The following DAPK3 variants were observed in gnomAD, a reference collection of about 807,000 sequenced individuals.
DAPK3 encodes death-associated protein kinase 3.
Under a neutral mutation model 30.6 loss-of-function variants are expected in DAPK3, and 24 were observed. The observed-to-expected ratio is 0.78, with a 90% CI of 0.57 to 1.10. The LOEUF (loss-of-function observed/expected upper bound fraction) is 1.10, where lower values mean the gene tolerates loss of function less well. Ranked by LOEUF, DAPK3 falls within the 50% of genes least tolerant of loss-of-function variation. DAPK3 has a pLI of 0.00. For missense variants in DAPK3, 629 were observed against 657.3 expected, an observed-to-expected ratio of 0.96 and a Z score of 0.47; for synonymous variants, 341 against 284.0, an observed-to-expected ratio of 1.20 and a Z score of -2.02.
chr19:3,963,769 C>T (rs2039544232), intron 5 of DAPK3, 100 bp from the exon 6 acceptor site: 2 of 1,244,396 alleles, frequency 1.6e-6, no homozygotes, highest in South Asian at 1.3e-5. Flanking sequence ...ACGGTCCCCC[C>T]ATACCCCAAC....
chr19:3,962,654 G>A (rs140167567), intron 6 of DAPK3, among the ~76,000 whole-genome samples: 3 of 152,166 alleles, frequency 2.0e-5, no homozygotes, highest in African/African-American at 7.2e-5. Context: ...GCAGGCACCT[G>A]TAATCCCAGC....
rs1241358376 is a variant in DAPK3 at position 3,959,260 on chromosome 19, C to T, written c.1206G>A (p.Ala402=). The change falls in exon 9 of 9, where the codon GCG becomes GCA. Residue 402 remains alanine (A), a synonymous_variant. Coordinates refer to ENST00000545797, the MANE Select transcript of DAPK3 (RefSeq NM_001348.3). ...KRQAQEEAKG[A]LLGTSGLKRR... ...GCTTGAGGCCGCTGGTCCCCAGCAG[C>T]GCGCCCTTGGCCTCCTCCTGCGCCT... 6.3e-7 allele frequency: 1 copy of T among 1,599,306 alleles called. No homozygotes were observed.
At position 3,959,375 on chromosome 19, in the gene DAPK3, T is replaced by G. The variant is rs529645237; in HGVS notation, c.1091A>C (p.Glu364Ala). Reference sequence around the variant, plus strand: ...GTCGCTCTCCTCGCGGTACCAGGCCTCCTTCTCCTCGTAGATGGCGGCCAG... The same window carrying G: ...GTCGCTCTCCTCGCGGTACCAGGCCGCCTTCTCCTCGTAGATGGCGGCCAG... Reference protein sequence around the residue: ...EALAAIYEEKEAWYREESDSL... With the variant: ...EALAAIYEEKAAWYREESDSL... The change falls in exon 9 of 9, where the codon GAG becomes GCG. Residue 364 changes from glutamate to alanine, a missense_variant. Physicochemically the swap from Glu to Ala is moderately radical, Grantham distance 107. Coordinates refer to ENST00000545797, the MANE Select transcript of DAPK3 (RefSeq NM_001348.3). 6 of 1,578,918 alleles carry G rather than the reference T, an allele frequency of 3.8e-6. No individual in the cohort carries two copies. Among genetic ancestry groups the G allele is most frequent in the South Asian group, 3.4e-5 (3 of 88,118 alleles).
intron 8 of DAPK3, 79 bp from the exon 9 acceptor site, chr19:3,959,716 A>C (rs890621357): frequency 1.4e-6 from 2 of 1,424,482 alleles, no homozygotes; most frequent in Admixed American, 4.8e-5. Flanking sequence ...GTGTGAACTG[A>C]GGTTCAGGGG....
intron 7 of DAPK3, among the ~76,000 whole-genome samples, chr19:3,960,368 G>A (rs991666753): frequency 5.9e-5 from 9 of 152,244 alleles, no homozygotes; most frequent in African/African-American, 2.2e-4. Context: ...AGGCCTACGA[G>A]TGAGGGCTCA....
At position 3,960,086 on chromosome 19, in the gene DAPK3, G is replaced by T; in HGVS notation, c.801C>A (p.Ala267=). 6.4e-7 allele frequency: 1 copy of T among 1,568,652 alleles called. No homozygotes were observed. The highest frequency in any genetic ancestry group is 8.8e-7 in the Non-Finnish European group (1 of 1,138,924). ...VKDPKRRMTI[A]QSLEHSWIKA... ...TAATCCAGGAATGTTCCAGGCTCTG[G>T]GCAATGGTCATTCTCCGCCTGGAAG... The change falls in exon 8 of 9, where the codon GCC becomes GCA. Residue 267 remains alanine (A), a synonymous_variant. Transcript: ENST00000545797.
rs149093811 is a variant in DAPK3, at chr19:3,967,323, G to C, written c.63-2332C>G. Among the ~76,000 whole-genome samples the C allele has an allele frequency of 4.2e-4, 64 of 152,258 alleles. No homozygotes were observed. In the East Asian group the frequency reaches 0.012, roughly 29 times the overall value. On this transcript the variant is annotated intron_variant, in intron 2 of 8. Coordinates refer to ENST00000545797, the MANE Select transcript of DAPK3 (RefSeq NM_001348.3). The stretch of plus-strand genomic sequence containing the variant: ...AAACATTAGCCGGGCGTGCTGGCAG[G>C]CATCTATAATCCCAGCTACTCGGGA...
rs149066820 is a variant in DAPK3, at chr19:3,959,157, G to A, written c.1309C>T (p.Leu437Phe). Residue 437 changes from leucine (L) to phenylalanine (F), a missense_variant, in exon 9 of 9, where the codon CTC becomes TTC. Physicochemically the swap from Leu to Phe is conservative, Grantham distance 22. This residue lies in a region of DAPK3 where 323 missense variants were observed against 278.8 expected (regional missense o/e 1.16). Transcript: ENST00000545797. ...VASEMRFVQDLVRALEQEKLQ... is the reference protein window; with the variant it reads ...VASEMRFVQDFVRALEQEKLQ... ...TTCTCCTGCTCCAGGGCGCGCACGA[G>A]GTCCTGCACGAAGCGCATCTCGGAG... The A allele has an allele frequency of 1.9e-5, 30 of 1,590,112 alleles. No individual in the cohort carries two copies. Among genetic ancestry groups the A allele is most frequent in the Non-Finnish European group, 2.5e-5 (29 of 1,172,980 alleles).
intron 2 of DAPK3, among the ~76,000 whole-genome samples, chr19:3,966,475 T>C (rs773696376): frequency 2.6e-5 from 4 of 152,118 alleles, no homozygotes; most frequent in Non-Finnish European, 5.9e-5. Flanking sequence ...AGGATCTCTC[T>C]CTCCCTCTGC....
intron 7 of DAPK3, among the ~76,000 whole-genome samples, chr19:3,960,803 CAAA>C (rs34304441): frequency 2.1e-5 from 2 of 94,030 alleles, no homozygotes; most frequent in African/African-American, 8.8e-5. Flanking sequence ...GACTCCGTCT[CAAA>C]AAAAAAAAAA....
At position 3,960,117 on chromosome 19, in the gene DAPK3, C is replaced by G. The variant is rs372068372; in HGVS notation, c.783-13G>C. ...GGTCATTCTCCGCCTGGAAGACCCC[C>G]GCTCTGGTTAGGTACACCTGCACCA... On this transcript the variant is annotated splice_polypyrimidine_tract_variant and intron_variant, in intron 7 of 8. Coordinates refer to ENST00000545797, the MANE Select transcript of DAPK3 (RefSeq NM_001348.3). 6.7e-7 allele frequency: 1 copy of G among 1,499,914 alleles called. No individual in the cohort carries two copies. The allele number at this position is 1,499,914 out of a possible 1,614,324, so 92.9% of individuals were successfully genotyped here. A position where few individuals can be genotyped will look rare whatever the true frequency, so the allele number is the denominator to read the frequency against.
At position 3,959,425 on chromosome 19, in the gene DAPK3, C is replaced by A. The variant is rs1197148132; in HGVS notation, c.1041G>T (p.Arg347=). The change falls in exon 9 of 9, where the codon CGG becomes CGT. Residue 347 remains arginine (R), a synonymous_variant. Coordinates refer to ENST00000545797, the MANE Select transcript of DAPK3 (RefSeq NM_001348.3). ...GCGCCTCCACGTCCTCGTGGCAGAGCCGCCGGCTGCGCTGCAGCTCGCGCA... is the reference window on the plus strand; with the variant it reads ...GCGCCTCCACGTCCTCGTGGCAGAGACGCCGGCTGCGCTGCAGCTCGCGCA... The part of the protein sequence containing the change: ...EGLRELQRSR[R]LCHEDVEALA... The A allele has an allele frequency of 3.9e-6, 6 of 1,553,166 alleles. No homozygotes were observed. The highest frequency in any genetic ancestry group is 5.2e-6 in the Non-Finnish European group (6 of 1,156,266).
chr19:3,960,564 A>C (rs1342246240), intron 7 of DAPK3, among the ~76,000 whole-genome samples: 1 of 152,082 alleles, frequency 6.6e-6, no homozygotes, highest in Non-Finnish European at 1.5e-5. Context: ...CAAACCAAGG[A>C]GGTCAGGAGT....
intron 6 of DAPK3, among the ~76,000 whole-genome samples, chr19:3,963,371 G>A (rs913941330): frequency 2.0e-5 from 3 of 151,902 alleles, no homozygotes; most frequent in Non-Finnish European, 4.4e-5. Flanking sequence ...GAGGAGGCTG[G>A]GCTCCCTAGC....
At chr19:3,960,330 G>C (rs545401435) in intron 7 of DAPK3, among the ~76,000 whole-genome samples, 3 of 152,150 alleles carry the variant, frequency 2.0e-5, no homozygotes, top group African/African-American at 7.2e-5. Context: ...GCCCGAGAGA[G>C]GGACTGGGCG....
In DAPK3 at chr19:3,959,302, G is replaced by C. The variant is rs751550544; in HGVS notation, c.1164C>G (p.Thr388=). The C allele has an allele frequency of 5.6e-6, 9 of 1,595,670 alleles. No homozygotes were observed. The African/African-American group carries it at 9.4e-5, about 17-fold the overall frequency. Residue 388 remains threonine, a synonymous_variant, in exon 9 of 9, where the codon ACC becomes ACG. Transcript: ENST00000545797. The part of the protein sequence containing the change: ...LRRLRQELLK[T]EALKRQAQEE... ...CCTGCGCCTGCCGCTTGAGCGCCTCGGTCTTGAGCAGCTCCTGCCGTAGCC... is the reference window on the plus strand; with the variant it reads ...CCTGCGCCTGCCGCTTGAGCGCCTCCGTCTTGAGCAGCTCCTGCCGTAGCC...
chr19:3,958,870 G>C lies in DAPK3; in HGVS notation c.*231C>G. On this transcript the variant is annotated 3_prime_UTR_variant, in exon 9 of 9. Coordinates refer to ENST00000545797, the MANE Select transcript of DAPK3 (RefSeq NM_001348.3). ...GGTCCCAGGGTCACCGACGATGCAG[G>C]GGTGAAGGTGAAGGCCAGCGTGGAG... The C allele has an allele frequency of 1.7e-6, 1 of 582,308 alleles. No individual in the cohort carries two copies. Among genetic ancestry groups the C allele is most frequent in the Non-Finnish European group, 3.0e-6 (1 of 328,258 alleles). 36.1% of individuals were successfully genotyped at this position (582,308 alleles called of 1,614,324 possible).
intron 7 of DAPK3, 152 bp from the exon 8 acceptor site, chr19:3,960,256 C>A: frequency 6.6e-6 from 4 of 608,382 alleles, no homozygotes; most frequent in Non-Finnish European, 1.2e-5. Flanking sequence ...CTGCAGGGAG[C>A]GTGGGGTTTT....
intron 6 of DAPK3, among the ~76,000 whole-genome samples, chr19:3,961,992 G>A (rs2039521863): frequency 6.6e-6 from 1 of 152,156 alleles, no homozygotes. Flanking sequence ...CTGAGTAGCT[G>A]GGACTACAGG....
Sources: gnomAD v4.1 joint callset for allele counts (sites outside exome capture counted in the v4.1 genomes callset) on GRCh38, gnomAD v4.1.1 for gene constraint, gnomAD v4.1.1 regional missense constraint, MANE v1.5 for transcripts, NCBI Gene and HGNC (gene_info 2026-07-23, HGNC 2026-07-21) for gene names.